LYPD6: variants seen among roughly 807,000 people sequenced by gnomAD.
LYPD6 encodes LY6/PLAUR domain containing 6, also known as ly6/PLAUR domain-containing protein 6.
LYPD6 carries 15 observed loss-of-function variants against 22.7 expected under a neutral mutation model. The observed-to-expected ratio is 0.66, with a 90% CI of 0.44 to 1.02. LYPD6 has a LOEUF of 1.02. LYPD6 is among the 50% of genes least tolerant of loss of function. The pLI is 0.00. For missense variants in LYPD6, 189 were observed against 208.4 expected (o/e 0.91, Z 0.57); for synonymous variants, 72 against 77.5 (o/e 0.93, Z 0.37).
chr2:149,331,170 C>T (rs565636384), intron 1 of LYPD6, among the ~76,000 whole-genome samples: 1 of 152,276 alleles, frequency 6.6e-6, no homozygotes, highest in Non-Finnish European at 1.5e-5. Context: ...GGTAGCCCGG[C>T]TGCGGCCACC....
chr2:149,481,707 T>C, the LYPD6 span, among the ~76,000 whole-genome samples: 2 of 152,242 alleles, frequency 1.3e-5, no homozygotes, highest in Non-Finnish European at 2.9e-5. Context: ...ATATGTTCAA[T>C]GTGTCATACT....
chr2:149,407,404 G>A (rs534104223), intron 1 of LYPD6, among the ~76,000 whole-genome samples: 1 of 151,954 alleles, frequency 6.6e-6, no homozygotes, highest in African/African-American at 2.4e-5. Flanking sequence ...TCACATAGTC[G>A]CATATTTCTT....
chr2:149,341,790 G>A (rs553611258), intron 1 of LYPD6, among the ~76,000 whole-genome samples: 2 of 152,248 alleles, frequency 1.3e-5, no homozygotes, highest in Admixed American at 6.5e-5. Flanking sequence ...GTGAGTTAAG[G>A]CCATGTGAAG....
intron 1 of LYPD6, among the ~76,000 whole-genome samples, chr2:149,378,415 G>T (rs1681981254): frequency 6.6e-6 from 1 of 152,238 alleles, no homozygotes; most frequent in African/African-American, 2.4e-5. Context: ...ATTGGGCTTG[G>T]CCCGATTAAA....
At chr2:149,423,766 G>A (rs1193639900) in intron 1 of LYPD6, among the ~76,000 whole-genome samples, 21 of 117,584 alleles carry the variant, frequency 1.8e-4, no homozygotes, top group Admixed American at 9.0e-4. Flanking sequence ...GCTCTCTGCC[G>A]GGGCGGGGGG....
chr2:149,363,785 A>T (rs1329334954), intron 1 of LYPD6, among the ~76,000 whole-genome samples: 1 of 151,856 alleles, frequency 6.6e-6, no homozygotes, highest in Non-Finnish European at 1.5e-5. Context: ...TATTTGGTTG[A>T]TGTAGATCTT....
At chr2:149,370,346 A>G (rs1218522512) in intron 1 of LYPD6, among the ~76,000 whole-genome samples, 1 of 152,100 alleles carries the variant, frequency 6.6e-6, no homozygotes, top group African/African-American at 2.4e-5. Flanking sequence ...GTGTTCCTCC[A>G]GAATCCATAT....
chr2:149,402,700 A>G (rs1340401626), intron 1 of LYPD6, among the ~76,000 whole-genome samples: 2 of 151,902 alleles, frequency 1.3e-5, no homozygotes, highest in Non-Finnish European at 2.9e-5. Context: ...TTGTCTATTC[A>G]TGTCCTTAGC....
the LYPD6 span, among the ~76,000 whole-genome samples, chr2:149,485,166 G>A: frequency 4.6e-5 from 7 of 152,258 alleles, no homozygotes; most frequent in African/African-American, 1.7e-4. Context: ...GGAATGAAAT[G>A]TTTACATCTT....
At chr2:149,403,320 T>A (rs1559139224) in intron 1 of LYPD6, among the ~76,000 whole-genome samples, 2 of 150,638 alleles carry the variant, frequency 1.3e-5, no homozygotes, top group Non-Finnish European at 3.0e-5. Context: ...ACTTCCACAA[T>A]GGTTGAACTA....
intron 1 of LYPD6, among the ~76,000 whole-genome samples, chr2:149,377,468 C>T (rs188117127): frequency 1.1e-4 from 16 of 152,152 alleles, no homozygotes; most frequent in African/African-American, 1.7e-4. Context: ...CTCACAGGCC[C>T]GGTAATAATG....
the LYPD6 span, among the ~76,000 whole-genome samples, chr2:149,479,857 T>C: frequency 6.6e-6 from 1 of 152,120 alleles, no homozygotes; most frequent in Non-Finnish European, 1.5e-5. Context: ...CTTAATACCA[T>C]TCAAGAATTT....
chr2:149,425,821 G>A (rs575414961), intron 1 of LYPD6, among the ~76,000 whole-genome samples: 1 of 152,300 alleles, frequency 6.6e-6, no homozygotes, highest in African/African-American at 2.4e-5. Context: ...AACTAAGTGT[G>A]CTAATTAGTT....
chr2:149,443,680 A>G (rs1267205616), intron 2 of LYPD6, among the ~76,000 whole-genome samples: 1 of 152,150 alleles, frequency 6.6e-6, no homozygotes, highest in Non-Finnish European at 1.5e-5. Flanking sequence ...AAATATCTGC[A>G]AGAGTATTGC....
the LYPD6 span, among the ~76,000 whole-genome samples, chr2:149,485,501 A>G: frequency 6.6e-6 from 1 of 152,162 alleles, no homozygotes; most frequent in Non-Finnish European, 1.5e-5. Flanking sequence ...CCTGTGCCAC[A>G]TGCTTTCCTC....
intron 2 of LYPD6, among the ~76,000 whole-genome samples, chr2:149,447,429 A>G (rs1683713110): frequency 1.3e-5 from 2 of 152,232 alleles, no homozygotes; most frequent in South Asian, 2.1e-4. Context: ...GGAATGGCCT[A>G]GTCCTCAGGC....
chr2:149,366,147 T>C (rs1681659197), intron 1 of LYPD6, among the ~76,000 whole-genome samples: 1 of 152,238 alleles, frequency 6.6e-6, no homozygotes, highest in Non-Finnish European at 1.5e-5. Flanking sequence ...TTATGGGTCA[T>C]ATAGATTATA....
At chr2:149,427,602 T>C (rs902877962) in intron 1 of LYPD6, among the ~76,000 whole-genome samples, 6 of 152,218 alleles carry the variant, frequency 3.9e-5, no homozygotes, top group African/African-American at 1.4e-4. Flanking sequence ...ATACATCCTT[T>C]AGAATTGTGA....
chr2:149,423,534 A>G (rs1683126835), intron 1 of LYPD6, among the ~76,000 whole-genome samples: 1 of 152,090 alleles, frequency 6.6e-6, no homozygotes, highest in Non-Finnish European at 1.5e-5. Context: ...TGACTGTGAC[A>G]TGGCACACTG....
Sources: gnomAD v4.1 joint callset for allele counts (sites outside exome capture counted in the v4.1 genomes callset) on GRCh38, gnomAD v4.1.1 for gene constraint, MANE v1.5 for transcripts, NCBI Gene and HGNC (gene_info 2026-07-23, HGNC 2026-07-21) for gene names.